UBE2V2: variants seen among roughly 807,000 people sequenced by gnomAD.
UBE2V2 encodes ubiquitin conjugating enzyme E2 V2.
In UBE2V2, 9 loss-of-function variants were observed where a neutral mutation model predicts 17.2. The ratio of observed to expected loss-of-function variants is 0.52; its 90% confidence interval spans 0.32 to 0.91. The LOEUF is 0.91. Ranked by LOEUF, UBE2V2 falls within the 40% of genes least tolerant of loss-of-function variation. The probability of loss-of-function intolerance (pLI) is 0.04; values close to 1 mark genes in which losing one functional copy is unlikely to be tolerated. For synonymous variants in UBE2V2, 61 were observed against 57.5 expected (o/e 1.06, Z -0.28); for missense variants, 133 against 182.6 (o/e 0.73, Z 1.56).
chr8:48,052,893 T>C (rs2091548327), intron 3 of UBE2V2, among the ~76,000 whole-genome samples: 1 of 152,178 alleles, frequency 6.6e-6, no homozygotes, highest in Admixed American at 6.5e-5. Context: ...GGGTCCTTCA[T>C]TTCTCACTGT....
chr8:48,015,402 C>T (rs568721879), intron 1 of UBE2V2, among the ~76,000 whole-genome samples: 1 of 152,206 alleles, frequency 6.6e-6, no homozygotes, highest in Admixed American at 6.6e-5. Context: ...TTGAACAATG[C>T]TTGCTAATGT....
intron 1 of UBE2V2, among the ~76,000 whole-genome samples, chr8:48,024,650 C>CA (rs2091327845): frequency 6.6e-6 from 1 of 151,682 alleles, no homozygotes; most frequent in Non-Finnish European, 1.5e-5. Flanking sequence ...CTGTATCCTA[C>CA]GTATGCCTTG....
chr8:48,039,225 T>C (rs2091445232), intron 1 of UBE2V2, among the ~76,000 whole-genome samples: 1 of 152,198 alleles, frequency 6.6e-6, no homozygotes, highest in African/African-American at 2.4e-5. Flanking sequence ...AAATATCTTT[T>C]CCACTAACAC....
chr8:48,064,570 A>C lies in UBE2V2; in HGVS notation c.*3742A>C, dbSNP rs1031895709. The stretch of plus-strand genomic sequence containing the variant: ...ATACTGAAAATGTTGTTTATTTAAA[A>C]GTATTGTGGAGTGTTGAAAATAAAG... On this transcript the variant is annotated 3_prime_UTR_variant, in exon 4 of 4. Transcript: ENST00000523111. 3 of 152,204 alleles carry C rather than the reference A, an allele frequency of 2.0e-5. No homozygotes were observed. The highest frequency in any genetic ancestry group is 7.2e-5 in the African/African-American group (3 of 41,454). 9.4% of individuals were successfully genotyped at this position (152,204 alleles called of 1,614,324 possible).
chr8:48,037,082 G>T (rs1297139975), intron 1 of UBE2V2, among the ~76,000 whole-genome samples: 1 of 152,194 alleles, frequency 6.6e-6, no homozygotes, highest in Non-Finnish European at 1.5e-5. Flanking sequence ...GGAAGGCTGA[G>T]GCAGGAGAAT....
At chr8:48,033,421 A>G (rs2091398066) in intron 1 of UBE2V2, among the ~76,000 whole-genome samples, 2 of 151,974 alleles carry the variant, frequency 1.3e-5, no homozygotes, top group Admixed American at 1.3e-4. Context: ...CCTGGACTCA[A>G]GTAATCCTCC....
At chr8:48,005,718 G>A (rs773964834), upstream of UBE2V2, among the ~76,000 whole-genome samples, 1 of 152,134 alleles carries the variant, frequency 6.6e-6, no homozygotes, top group Non-Finnish European at 1.5e-5. Context: ...ATTCTACCTG[G>A]TGTGAGATGG....
Position 48,049,857 on chromosome 8 carries a change from A to G in UBE2V2, c.170A>G (p.Asn57Ser). ...TGMIIGPPRT[N>S]YENRIYSLKV... ...TTTTTGTTTTTTGCCTTCCAGACAA[A>G]TTATGAAAACAGAATATATAGCCTG... Residue 57 changes from asparagine (N) to serine (S), a missense_variant, in exon 3 of 4, where the codon AAT (asparagine) becomes AGT (serine). This residue lies in a region of UBE2V2 where 92 missense variants were observed against 124.3 expected (regional missense o/e 0.74). Coordinates refer to ENST00000523111, the MANE Select transcript of UBE2V2 (RefSeq NM_003350.3). 1.3e-6 allele frequency: 2 copies of G among 1,591,474 alleles called. No individual in the cohort carries two copies. Among genetic ancestry groups the G allele is most frequent in the South Asian group, 1.2e-5 (1 of 86,464 alleles).
chr8:47,999,356 C>T, the UBE2V2 span, among the ~76,000 whole-genome samples: 4 of 151,762 alleles, frequency 2.6e-5, no homozygotes, highest in Non-Finnish European at 4.4e-5. Flanking sequence ...AGTAATTAGA[C>T]TTCCCCTTTT....
intron 1 of UBE2V2, among the ~76,000 whole-genome samples, chr8:48,009,059 A>G (rs2091207817): frequency 6.6e-6 from 1 of 152,320 alleles, no homozygotes; most frequent in East Asian, 1.9e-4. Flanking sequence ...CCAGAGCAAG[A>G]TGAAAGCTAA....
chr8:48,036,071 T>C (rs1293776518), intron 1 of UBE2V2, among the ~76,000 whole-genome samples: 5 of 151,274 alleles, frequency 3.3e-5, no homozygotes, highest in Non-Finnish European at 7.4e-5. Context: ...CCTTCCATGT[T>C]AGCCTCCGGA....
At chr8:48,029,864 C>T (rs1274957050) in intron 1 of UBE2V2, among the ~76,000 whole-genome samples, 1 of 152,232 alleles carries the variant, frequency 6.6e-6, no homozygotes, top group African/African-American at 2.4e-5. Context: ...CCAGCTACAG[C>T]TTCCTGGACT....
At position 48,060,699 on chromosome 8, in the gene UBE2V2, A is replaced by T. The variant is rs1802579813; in HGVS notation, c.309A>T (p.Ile103=). ...CCTTTCAGGTGGATGCCCGGAGCAT[A>T]CCAGTGTTAGCAAAATGGCAAAATT... is the stretch of plus-strand genomic sequence containing the variant. The part of the protein sequence containing the change: ...NSSGMVDARS[I]PVLAKWQNSY... The change falls in exon 4 of 4, where the codon ATA becomes ATT. Residue 103 remains isoleucine (I), a synonymous_variant. Transcript: ENST00000523111. The T allele has an allele frequency of 6.6e-7, 1 of 1,519,010 alleles. No homozygotes were observed. The highest frequency in any genetic ancestry group is 1.4e-5 in the African/African-American group (1 of 70,530). The allele number at this position is 1,519,010 out of a possible 1,614,324, so 94.1% of individuals were successfully genotyped here.
chr8:48,054,492 A>AT (rs1470136543), intron 3 of UBE2V2, among the ~76,000 whole-genome samples: 1 of 150,356 alleles, frequency 6.7e-6, no homozygotes, highest in Non-Finnish European at 1.5e-5. Context: ...AGATGTGTGT[A>AT]TAGAGGGTTG....
chr8:48,052,810 T>G (rs2091547593), intron 3 of UBE2V2, among the ~76,000 whole-genome samples: 1 of 152,244 alleles, frequency 6.6e-6, no homozygotes, highest in African/African-American at 2.4e-5. Flanking sequence ...CTGGCCTGCA[T>G]GCCTTTCGTT....
At chr8:48,032,229 A>G (rs1360412302) in intron 1 of UBE2V2, among the ~76,000 whole-genome samples, 1 of 152,224 alleles carries the variant, frequency 6.6e-6, no homozygotes, top group East Asian at 1.9e-4. Context: ...ATTGTGATCA[A>G]TTTAAACTTA....
At chr8:48,007,320 GTC>G (rs1404624960), upstream of UBE2V2, among the ~76,000 whole-genome samples, 1 of 152,136 alleles carries the variant, frequency 6.6e-6, no homozygotes, top group Non-Finnish European at 1.5e-5. Flanking sequence ...AAGTCAAATT[GTC>G]TCTGTTTGCA....
intron 1 of UBE2V2, among the ~76,000 whole-genome samples, chr8:48,019,520 C>T: frequency 6.7e-6 from 1 of 148,166 alleles, no homozygotes; most frequent in Non-Finnish European, 1.5e-5. Flanking sequence ...CAGAGCGAGA[C>T]TGTCTCAAAA....
chr8:48,008,306 C>G (rs1386718655), upstream of UBE2V2: 3 of 1,073,102 alleles, frequency 2.8e-6, no homozygotes, highest in Non-Finnish European at 3.7e-6. Context: ...CCCGCGACCC[C>G]TCGGCCCACG....
Sources: allele counts gnomAD v4.1 joint callset (sites outside exome capture counted in the v4.1 genomes callset), GRCh38; gene constraint gnomAD v4.1.1; regional missense constraint gnomAD v4.1.1; transcripts MANE v1.5; gene names NCBI Gene and HGNC (gene_info 2026-07-23, HGNC 2026-07-21).